Variants in GOLGA8S observed in about 807,000 individuals in gnomAD.
The protein encoded by GOLGA8S is golgin A8 family member S.
A neutral mutation model predicts 58.9 loss-of-function variants in GOLGA8S; 23 were observed. That is an observed-to-expected ratio of 0.39 (90% CI 0.28 to 0.55). The LOEUF (loss-of-function observed/expected upper bound fraction) is 0.55, where lower values mean the gene tolerates loss of function less well. Ranked by LOEUF, GOLGA8S falls within the 20% of genes least tolerant of loss-of-function variation. The pLI is 0.63. For synonymous variants in GOLGA8S, 84 were observed against 195.7 expected, an observed-to-expected ratio of 0.43 and a Z score of 4.76; for missense variants, 266 against 514.2, an observed-to-expected ratio of 0.52 and a Z score of 4.67.
chr15:23,363,682 T>G, exon 15 of GOLGA8S: 2 of 428,380 alleles, frequency 4.7e-6, no homozygotes, highest in Non-Finnish European at 8.3e-6. Context: ...CCCCAGGAGA[T>G]GGAGGAGGAC....
downstream of GOLGA8S, among the ~76,000 whole-genome samples, chr15:23,367,910 G>GAA (rs915526694): frequency 4.7e-5 from 7 of 149,558 alleles, no homozygotes; most frequent in African/African-American, 1.7e-4. Context: ...TTCCAGAAAT[G>GAA]AAAAAAAAAT....
chr15:23,366,358 T>G (rs1440058088), downstream of GOLGA8S: 3 of 151,514 alleles, frequency 2.0e-5, no homozygotes, highest in Non-Finnish European at 1.5e-5. Flanking sequence ...GGAATTTACT[T>G]CTTTTTCCTT....
exon 16 of GOLGA8S, chr15:23,364,419 A>G (rs764191934): frequency 3.1e-6 from 5 of 1,604,852 alleles, no homozygotes; most frequent in Non-Finnish European, 3.4e-6. Flanking sequence ...CGCTTCATTC[A>G]ATACTGGCAA....
At chr15:23,364,487 T>G (rs762288262) in intron 16 of GOLGA8S, 39 bp from the exon 17 acceptor site, 1 of 1,605,300 alleles carries the variant, frequency 6.2e-7, no homozygotes, top group East Asian at 2.2e-5. Flanking sequence ...TACAGGGCCG[T>G]CGGAGGGGCC....
intron 8 of GOLGA8S, 93 bp downstream of exon 8, chr15:23,359,302 G>T (rs1596015505): frequency 1.5e-6 from 1 of 665,752 alleles, no homozygotes; most frequent in African/African-American, 1.9e-5. Flanking sequence ...GGAGTGTCCT[G>T]CCCAGAAGGC....
downstream of GOLGA8S, chr15:23,366,240 G>A (rs1468562470): frequency 2.6e-5 from 4 of 151,316 alleles, no homozygotes; most frequent in Non-Finnish European, 5.9e-5. Context: ...GTGACACCTG[G>A]CATTCCTCTC....
intron 1 of GOLGA8S, among the ~76,000 whole-genome samples, chr15:23,356,210 G>A (rs1268056860): frequency 1.4e-5 from 2 of 145,208 alleles, no homozygotes; most frequent in African/African-American, 2.5e-5. Context: ...AGGTACAGGT[G>A]CACTTCTTCA....
downstream of GOLGA8S, among the ~76,000 whole-genome samples, chr15:23,368,206 G>A (rs1209941247): frequency 6.6e-6 from 1 of 151,880 alleles, no homozygotes; most frequent in Non-Finnish European, 1.5e-5. Context: ...ACCAGTTTGT[G>A]AATTCTTGTA....
chr15:23,356,377 A>G (rs1191498896), intron 1 of GOLGA8S, among the ~76,000 whole-genome samples: 2 of 132,686 alleles, frequency 1.5e-5, no homozygotes, highest in Non-Finnish European at 3.4e-5. Flanking sequence ...ACTGAGTTTC[A>G]AAGTTCATCT....
At chr15:23,366,732 C>T (rs1468419139), downstream of GOLGA8S, 1 of 150,824 alleles carries the variant, frequency 6.6e-6, no homozygotes, top group Non-Finnish European at 1.5e-5. Context: ...TTGCCTAAAT[C>T]GTAACTTGAT....
At chr15:23,357,978 G>T (rs1253702258) in intron 4 of GOLGA8S, among the ~76,000 whole-genome samples, 1 of 149,608 alleles carries the variant, frequency 6.7e-6, no homozygotes, top group East Asian at 1.9e-4. Flanking sequence ...TCCTTTTTGG[G>T]CTCATGTTTC....
chr15:23,360,672 C>A lies in GOLGA8S; in HGVS notation c.787-56C>A. On this transcript the variant is annotated intron_variant, in intron 10 of 18. Transcript: ENST00000562295. ...GTGGGGGCAGAGAGGGAGAGGGCAGCCTGTCCAGCCTCCAGCCCCTCTCTC... is the reference window on the plus strand; with the variant it reads ...GTGGGGGCAGAGAGGGAGAGGGCAGACTGTCCAGCCTCCAGCCCCTCTCTC... 7.4e-6 allele frequency: 9 copies of A among 1,209,688 alleles called. 1 individual carries two copies. The highest frequency in any genetic ancestry group is 1.1e-5 in the Non-Finnish European group (9 of 816,272). 74.9% of individuals were successfully genotyped at this position (1,209,688 alleles called of 1,614,324 possible).
rs1336717290 is a variant in GOLGA8S at position 23,360,535 on chromosome 15, G to A, written c.786+3G>A. 1 of 794,818 alleles carries A rather than the reference G, an allele frequency of 1.3e-6. No individual in the cohort carries two copies. Among genetic ancestry groups the A allele is most frequent in the East Asian group, 2.4e-5 (1 of 41,154 alleles). The allele number at this position is 794,818 out of a possible 1,614,324, so 49.2% of individuals were successfully genotyped here. A position where few individuals can be genotyped will look rare whatever the true frequency, so the allele number is the denominator to read the frequency against. Reference sequence around the variant, plus strand: ...GGATGAGAAAAATGTCGCAGGAGGTGAGATCTGACCCTTCAGCCCCCCCAC... The same window carrying A: ...GGATGAGAAAAATGTCGCAGGAGGTAAGATCTGACCCTTCAGCCCCCCCAC... On this transcript the variant is annotated splice_donor_region_variant and intron_variant, in intron 10 of 18. Transcript: ENST00000562295.
At chr15:23,357,775 C>A (rs1017997249) in intron 4 of GOLGA8S, among the ~76,000 whole-genome samples, 156 bp downstream of exon 4, 5 of 148,950 alleles carry the variant, frequency 3.4e-5, no homozygotes, top group Non-Finnish European at 7.5e-5. Context: ...CCGGAGCATG[C>A]AGCATGGCTC....
At chr15:23,365,104 C>T (rs1432950631) in exon 19 of GOLGA8S, 2 of 1,586,918 alleles carry the variant, frequency 1.3e-6, no homozygotes, top group Non-Finnish European at 1.7e-6. Flanking sequence ...CATTCTTTTG[C>T]TGGGCTTGGC....
At position 23,357,620 on chromosome 15, in the gene GOLGA8S, G is replaced by GT; in HGVS notation, c.309+2dup. The GT allele has an allele frequency of 2.1e-6, 2 of 941,486 alleles. No individual in the cohort carries two copies. The highest frequency in any genetic ancestry group is 4.2e-5 in the Admixed American group (2 of 48,048). 58.3% of individuals were successfully genotyped at this position (941,486 alleles called of 1,614,324 possible). ...ACTGAAGAACACCATCAAATCTTTGGTAAGAGTCCACTGGGGTCCCCTGAT... is the reference window on the plus strand; with the variant it reads ...ACTGAAGAACACCATCAAATCTTTGGTTAAGAGTCCACTGGGGTCCCCTGAT... On this transcript the variant is annotated splice_donor_variant, in intron 4 of 18. Transcript: ENST00000562295. LOFTEE classifies it high-confidence loss of function.
chr15:23,368,202 T>C (rs2069951746), downstream of GOLGA8S, among the ~76,000 whole-genome samples: 1 of 151,950 alleles, frequency 6.6e-6, no homozygotes, highest in South Asian at 2.1e-4. Flanking sequence ...TTTTACCAGT[T>C]TGTGAATTCT....
intron 1 of GOLGA8S, among the ~76,000 whole-genome samples, chr15:23,356,188 T>C (rs1377132591): frequency 6.9e-6 from 1 of 144,374 alleles, no homozygotes; most frequent in African/African-American, 2.5e-5. Context: ...CACATTGATA[T>C]AAGAGTTTGA....
exon 12 of GOLGA8S, chr15:23,361,343 A>T (rs769798216): frequency 3.8e-5 from 44 of 1,171,636 alleles, no homozygotes; most frequent in Non-Finnish European, 5.6e-5. Flanking sequence ...TCAGCGCATA[A>T]GTCTCCTGAA....
Sources: allele counts gnomAD v4.1 joint callset (sites outside exome capture counted in the v4.1 genomes callset), GRCh38; gene constraint gnomAD v4.1.1; transcripts MANE v1.5; gene names NCBI Gene and HGNC (gene_info 2026-07-23, HGNC 2026-07-21).